The following TM4SF19 variants were observed in gnomAD, a reference collection of about 807,000 sequenced individuals.
TM4SF19 encodes transmembrane 4 L6 family member 19.
Under a neutral mutation model 21.8 loss-of-function variants are expected in TM4SF19, and 17 were observed. That is an observed-to-expected ratio of 0.78 (90% CI 0.53 to 1.17). The LOEUF is 1.17. TM4SF19 is among the 50% of genes most tolerant of loss of function. The pLI, the probability that TM4SF19 is intolerant of heterozygous loss-of-function variation, is 0.00. For missense variants in TM4SF19, 216 were observed against 252.1 expected (o/e 0.86, Z 0.97); for synonymous variants, 107 against 106.7 (o/e 1.00, Z -0.02).
intron 1 of TM4SF19, among the ~76,000 whole-genome samples, chr3:196,332,188 G>A (rs1329881865): frequency 1.3e-5 from 2 of 151,806 alleles, no homozygotes; most frequent in Non-Finnish European, 2.9e-5. Flanking sequence ...GTAGAATGGC[G>A]TGAACCTGGG....
chr3:196,329,693 A>G (rs1442924109), intron 1 of TM4SF19, among the ~76,000 whole-genome samples: 5 of 123,740 alleles, frequency 4.0e-5, no homozygotes, highest in Admixed American at 9.4e-5. Flanking sequence ...ATGCTAAAAG[A>G]AATAAGCCAG....
Position 196,323,953 on chromosome 3 carries a change from T to C in TM4SF19, c.494A>G (p.Glu165Gly). 1 of 1,614,000 alleles carries C rather than the reference T, an allele frequency of 6.2e-7. No homozygotes were observed. The change falls in exon 5 of 5, where the codon GAG (glutamate) becomes GGG (glycine). Residue 165 changes from glutamate (E) to glycine (G), a missense_variant. By Grantham distance (98) the Glu-to-Gly change is moderately conservative. Transcript: ENST00000273695. ...DRSLWNSVCL[E>G]PSAAVVWHVS... ...GTGCCAGACAACAGCTGCAGAGGGC[T>C]CCAGGCAGACGGAGTTCCAGAGCGA...
At chr3:196,326,198 C>T (rs756361458) in intron 3 of TM4SF19, among the ~76,000 whole-genome samples, 7 of 152,108 alleles carry the variant, frequency 4.6e-5, no homozygotes, top group Non-Finnish European at 8.8e-5. Flanking sequence ...TGGTCTCAAA[C>T]TCCTGACCTC....
chr3:196,335,380 G>A (rs1431053054), intron 1 of TM4SF19, among the ~76,000 whole-genome samples: 4 of 77,880 alleles, frequency 5.1e-5, no homozygotes, highest in African/African-American at 1.0e-4. Context: ...TAGGAGAGGG[G>A]AGGGGTGCAC....
intron 1 of TM4SF19, among the ~76,000 whole-genome samples, chr3:196,336,477 C>A (rs753872639): frequency 6.6e-6 from 1 of 152,168 alleles, no homozygotes; most frequent in African/African-American, 2.4e-5. Context: ...TGATGGACAG[C>A]GAGGGAAAAC....
intron 1 of TM4SF19, among the ~76,000 whole-genome samples, chr3:196,335,084 G>C (rs552458565): frequency 1.6e-5 from 1 of 61,438 alleles, no homozygotes; most frequent in Non-Finnish European, 3.3e-5. Context: ...GCACTGGGAG[G>C]GTGGGGGTAG....
At chr3:196,337,659 C>A (rs1727823951) in intron 1 of TM4SF19, among the ~76,000 whole-genome samples, 1 of 152,174 alleles carries the variant, frequency 6.6e-6, no homozygotes, top group East Asian at 1.9e-4. Context: ...GCATGCGGCC[C>A]CTCCCAAGTG....
At chr3:196,329,924 T>C (rs1727440508) in intron 1 of TM4SF19, among the ~76,000 whole-genome samples, 1 of 119,680 alleles carries the variant, frequency 8.4e-6, no homozygotes, top group African/African-American at 2.8e-5. Flanking sequence ...CAGGCTGGAG[T>C]GCAGTGGCGC....
At position 196,325,900 on chromosome 3, in the gene TM4SF19, G is replaced by A. The variant is rs529268423; in HGVS notation, c.279+1055C>T. ...ATGCACATTCAAGTGTCAGAACTAC[G>A]TGCCACGGGGAAAACCAGAATGAGA... On this transcript the variant is annotated intron_variant, in intron 3 of 4. Transcript: ENST00000273695. The surrounding 1 kb of genome is among the most constrained non-coding windows in gnomAD (Gnocchi z 4.3). Among the ~76,000 whole-genome samples the A allele has an allele frequency of 3.2e-4, 49 of 152,328 alleles. No homozygotes were observed. The South Asian group carries it at 7.1e-3, about 22-fold the overall frequency.
Position 196,323,829 on chromosome 3 carries a change from G to C in TM4SF19, c.618C>G (p.Leu206=). ...AAGGTTCTGCCTGTCACTTCTCGCAGAGGCTGCAGAAAAGGCCCAGGAGGC... is the reference window on the plus strand; with the variant it reads ...AAGGTTCTGCCTGTCACTTCTCGCACAGGCTGCAGAAAAGGCCCAGGAGGC... ...INSLLGLFCS[L]CEK is the part of the protein sequence containing the mutation. Residue 206 remains leucine (L), a synonymous_variant, in exon 5 of 5, where the codon CTC becomes CTG. Transcript: ENST00000273695. 6.2e-7 allele frequency: 1 copy of C among 1,614,132 alleles called. No individual in the cohort carries two copies. The highest frequency in any genetic ancestry group is 8.5e-7 in the Non-Finnish European group (1 of 1,180,016).
intron 1 of TM4SF19, among the ~76,000 whole-genome samples, chr3:196,332,193 C>A (rs1465204634): frequency 6.6e-6 from 1 of 151,614 alleles, no homozygotes; most frequent in Non-Finnish European, 1.5e-5. Flanking sequence ...ATGGCGTGAA[C>A]CTGGGGGGCT....
chr3:196,335,803 A>G (rs1230271889), intron 1 of TM4SF19, among the ~76,000 whole-genome samples: 2 of 152,040 alleles, frequency 1.3e-5, no homozygotes, highest in African/African-American at 2.4e-5. Context: ...AGACGGTCCC[A>G]TCGTGCAGTG....
chr3:196,336,122 T>G (rs1435720537), intron 1 of TM4SF19, among the ~76,000 whole-genome samples: 1 of 151,776 alleles, frequency 6.6e-6, no homozygotes, highest in Non-Finnish European at 1.5e-5. Flanking sequence ...GTTTTTTTTG[T>G]TTTTGTTTTT....
chr3:196,334,690 G>C (rs907564568), intron 1 of TM4SF19, among the ~76,000 whole-genome samples: 3 of 151,984 alleles, frequency 2.0e-5, no homozygotes, highest in South Asian at 2.1e-4. Flanking sequence ...CTGGTCTCAA[G>C]TGATCCTCCT....
intron 1 of TM4SF19, among the ~76,000 whole-genome samples, chr3:196,335,550 T>C (rs1727721624): frequency 6.8e-6 from 1 of 146,532 alleles, no homozygotes; most frequent in Admixed American, 6.8e-5. Context: ...GGGCGTAGGA[T>C]ATGAAGCAAC....
intron 4 of TM4SF19, 26 bp downstream of exon 4, chr3:196,324,245 C>A: frequency 6.2e-7 from 1 of 1,610,584 alleles, no homozygotes. Context: ...TCTGAAAAGA[C>A]CAAGCCCAAG....
chr3:196,327,323 T>C lies in TM4SF19; in HGVS notation c.201+67A>G. 2.7e-6 allele frequency: 4 copies of C among 1,482,122 alleles called. No homozygotes were observed. The South Asian group carries it at 3.5e-5, about 13-fold the overall frequency. 91.8% of individuals were successfully genotyped at this position (1,482,122 alleles called of 1,614,324 possible). A position where few individuals can be genotyped will look rare whatever the true frequency, so the allele number is the denominator to read the frequency against. ...GCAAGGAATCAAAACACTCTTCCCA[T>C]GCCACCTTCCTGCTCCCCGCCGGGG... On this transcript the variant is annotated intron_variant, in intron 2 of 4. Transcript: ENST00000273695.
chr3:196,324,711 G>C (rs2108804894), intron 3 of TM4SF19: 2 of 441,004 alleles, frequency 4.5e-6, no homozygotes, highest in Middle Eastern at 6.2e-4. Context: ...GCAGGCCCCG[G>C]ATCTCCCTGA....
chr3:196,334,392 T>TG (rs1727636946), intron 1 of TM4SF19, among the ~76,000 whole-genome samples: 1 of 151,960 alleles, frequency 6.6e-6, no homozygotes, highest in Non-Finnish European at 1.5e-5. Flanking sequence ...TTTTTTTTTT[T>TG]GAGATGGAGT....
Sources: gnomAD v4.1 joint callset for allele counts (sites outside exome capture counted in the v4.1 genomes callset) on GRCh38, gnomAD v4.1.1 for gene constraint, Gnocchi (gnomAD v3.1) non-coding constraint, MANE v1.5 for transcripts, NCBI Gene and HGNC (gene_info 2026-07-23, HGNC 2026-07-21) for gene names.